MEGF11: variants seen among roughly 807,000 people sequenced by gnomAD.
The protein encoded by MEGF11 is multiple epidermal growth factor-like domains protein 11.
MEGF11 carries 126 observed loss-of-function variants against 146.6 expected under a neutral mutation model. The observed-to-expected ratio is 0.86, with a 90% CI of 0.74 to 1.00. The LOEUF is 1.00. MEGF11 is among the 50% of genes least tolerant of loss of function. The pLI, the probability that MEGF11 is intolerant of heterozygous loss-of-function variation, is 0.00. For missense variants in MEGF11, 1,509 were observed against 1,521.2 expected (o/e 0.99, Z 0.13); for synonymous variants, 532 against 583.4 (o/e 0.91, Z 1.27).
chr15:66,047,020 C>T (rs2084234960), intron 5 of MEGF11, among the ~76,000 whole-genome samples: 1 of 152,212 alleles, frequency 6.6e-6, no homozygotes, highest in Non-Finnish European at 1.5e-5. Flanking sequence ...ACACAGATTT[C>T]AGCACATCCC....
intron 1 of MEGF11, among the ~76,000 whole-genome samples, chr15:66,166,114 G>T (rs1011431817): frequency 1.3e-5 from 2 of 152,006 alleles, no homozygotes; most frequent in Non-Finnish European, 2.9e-5. Flanking sequence ...GATCCATATC[G>T]CCAGCTGCCT....
At chr15:66,232,631 T>C (rs2091991700) in intron 1 of MEGF11, among the ~76,000 whole-genome samples, 1 of 152,176 alleles carries the variant, frequency 6.6e-6, no homozygotes, top group Non-Finnish European at 1.5e-5. Flanking sequence ...CTGGCCTTCA[T>C]TTTCTGCTTC....
At chr15:66,133,531 A>T (rs968858795) in intron 1 of MEGF11, among the ~76,000 whole-genome samples, 2 of 152,226 alleles carry the variant, frequency 1.3e-5, no homozygotes, top group Admixed American at 1.3e-4. Context: ...CAATGGGGCA[A>T]ATGCCAAGGT....
chr15:66,155,166 A>T (rs1261539400), intron 1 of MEGF11, among the ~76,000 whole-genome samples: 1 of 152,248 alleles, frequency 6.6e-6, no homozygotes, highest in Non-Finnish European at 1.5e-5. Context: ...CTTCCTGGTC[A>T]GTTCTGGCTG....
chr15:66,018,642 C>T (rs1373057520), intron 5 of MEGF11, among the ~76,000 whole-genome samples: 5 of 151,746 alleles, frequency 3.3e-5, no homozygotes, highest in East Asian at 2.0e-4. Flanking sequence ...TGTGTGCGAG[C>T]GGGTGCCTGC....
intron 5 of MEGF11, among the ~76,000 whole-genome samples, chr15:66,006,228 G>A (rs986654104): frequency 2.0e-5 from 3 of 152,150 alleles, no homozygotes; most frequent in African/African-American, 4.8e-5. Context: ...TCAGGAGCCC[G>A]GGGCTCTGGC....
chr15:65,980,570 T>C (rs8043059), intron 7 of MEGF11, among the ~76,000 whole-genome samples: 3,128 of 152,194 alleles, frequency 0.021, 102 homozygotes, highest in African/African-American at 0.069. Context: ...GGCTAATTTT[T>C]GTATTTTTAG....
intron 24 of MEGF11, among the ~76,000 whole-genome samples, chr15:65,904,586 G>C (rs2078574196): frequency 6.6e-6 from 1 of 152,158 alleles, no homozygotes. Context: ...AAGGACTGTA[G>C]ACGACTAGCT....
intron 1 of MEGF11, among the ~76,000 whole-genome samples, chr15:66,137,544 T>C (rs2088947286): frequency 6.8e-6 from 1 of 146,462 alleles, no homozygotes; most frequent in African/African-American, 2.5e-5. Context: ...GATGATATTT[T>C]GGGTGACTTT....
At chr15:66,037,126 C>A (rs2083754262) in intron 5 of MEGF11, among the ~76,000 whole-genome samples, 1 of 152,200 alleles carries the variant, frequency 6.6e-6, no homozygotes, top group Admixed American at 6.5e-5. Flanking sequence ...GTGCTTGTTG[C>A]CGGTCAGGCC....
At chr15:66,001,270 A>G (rs1357293200) in intron 5 of MEGF11, among the ~76,000 whole-genome samples, 2 of 152,114 alleles carry the variant, frequency 1.3e-5, no homozygotes, top group South Asian at 2.1e-4. Flanking sequence ...TATTCTATGC[A>G]GTGCACAACC....
chr15:66,151,974 T>C (rs1448529555), intron 1 of MEGF11, among the ~76,000 whole-genome samples: 1 of 152,198 alleles, frequency 6.6e-6, no homozygotes, highest in African/African-American at 2.4e-5. Context: ...GGGGGCAGGG[T>C]GTGCAGGCAG....
intron 1 of MEGF11, among the ~76,000 whole-genome samples, chr15:66,222,190 G>A (rs1001767734): frequency 5.3e-5 from 8 of 152,018 alleles, no homozygotes; most frequent in Non-Finnish European, 5.9e-5. Context: ...CAAGTTCAGC[G>A]TCCCCAACTC....
intron 4 of MEGF11, among the ~76,000 whole-genome samples, chr15:66,097,069 CCCCAGGGATGCAGGTGCATCT>C (rs1295610132): frequency 6.6e-6 from 1 of 152,240 alleles, no homozygotes; most frequent in African/African-American, 2.4e-5. Context: ...CTTAGCTTGA[CCCCAGGGATGCAGGTGCATCT>C]CCCTCCTTTC....
intron 1 of MEGF11, among the ~76,000 whole-genome samples, chr15:66,146,818 T>C (rs1235160699): frequency 6.6e-6 from 1 of 152,232 alleles, no homozygotes; most frequent in Non-Finnish European, 1.5e-5. Context: ...GGGTCCTGCA[T>C]TGTCTGCATT....
intron 10 of MEGF11, among the ~76,000 whole-genome samples, chr15:65,935,295 G>A (rs1269976281): frequency 1.6e-5 from 2 of 126,062 alleles, no homozygotes; most frequent in African/African-American, 3.1e-5. Flanking sequence ...ACTCCAGCCT[G>A]GGTGACAGAG....
intron 10 of MEGF11, among the ~76,000 whole-genome samples, chr15:65,933,614 T>A (rs2079656774): frequency 6.6e-6 from 1 of 152,206 alleles, no homozygotes; most frequent in Non-Finnish European, 1.5e-5. Context: ...TGAGATGGCT[T>A]TCTGCTTCCC....
At chr15:66,211,281 T>C (rs538245879) in intron 1 of MEGF11, among the ~76,000 whole-genome samples, 1 of 152,298 alleles carries the variant, frequency 6.6e-6, no homozygotes, top group East Asian at 1.9e-4. Flanking sequence ...CTCAGCACTT[T>C]GGGAGGCCAA....
intron 5 of MEGF11, among the ~76,000 whole-genome samples, chr15:65,985,159 T>C (rs2081809840): frequency 6.6e-6 from 1 of 152,122 alleles, no homozygotes; most frequent in Non-Finnish European, 1.5e-5. Flanking sequence ...ACAACAACCA[T>C]GTAAGTTAGG....
Sources: gnomAD v4.1 joint callset for allele counts (sites outside exome capture counted in the v4.1 genomes callset) on GRCh38, gnomAD v4.1.1 for gene constraint, MANE v1.5 for transcripts, NCBI Gene and HGNC (gene_info 2026-07-23, HGNC 2026-07-21) for gene names.